The following AUTS2 variants were observed in gnomAD, a reference collection of about 807,000 sequenced individuals.
The protein encoded by AUTS2 is autism susceptibility gene 2 protein.
In AUTS2, 17 loss-of-function variants were observed where a neutral mutation model predicts 112.4. The observed-to-expected ratio is 0.15, with a 90% CI of 0.10 to 0.23. The LOEUF is 0.23. Ranked by LOEUF, AUTS2 falls within the 10% of genes least tolerant of loss-of-function variation. AUTS2 has a pLI of 1.00. For synonymous variants in AUTS2, 751 were observed against 702.7 expected, an observed-to-expected ratio of 1.07 and a Z score of -1.09; for missense variants, 1,510 against 1,701.6, an observed-to-expected ratio of 0.89 and a Z score of 1.98.
At chr7:70,030,824 C>A (rs1450472875) in intron 2 of AUTS2, among the ~76,000 whole-genome samples, 1 of 152,108 alleles carries the variant, frequency 6.6e-6, no homozygotes, top group South Asian at 2.1e-4. Context: ...AAGACCTAGT[C>A]CCTCAGGGGT....
chr7:70,041,264 ATAT>A (rs1157688790), intron 2 of AUTS2, among the ~76,000 whole-genome samples: 2 of 152,212 alleles, frequency 1.3e-5, no homozygotes, highest in East Asian at 3.8e-4. Flanking sequence ...TCTTAAAAAA[ATAT>A]TATCCATAAA....
At chr7:69,708,083 ACATGTTTGAGCCTTTGAGTCTCTT>A (rs1296705949) in intron 1 of AUTS2, among the ~76,000 whole-genome samples, 1 of 152,036 alleles carries the variant, frequency 6.6e-6, no homozygotes, top group East Asian at 1.9e-4. Context: ...GCTCCAACTG[ACATGTTTGAGCCTTTGAGTCTCTT>A]CATGAAAGCT....
intron 5 of AUTS2, among the ~76,000 whole-genome samples, chr7:70,546,544 C>A (rs1800790338): frequency 6.6e-6 from 1 of 152,072 alleles, no homozygotes; most frequent in Non-Finnish European, 1.5e-5. Flanking sequence ...TTTGGGAGGC[C>A]AAGATGGGCG....
chr7:69,632,022 G>C (rs996527347), intron 1 of AUTS2, among the ~76,000 whole-genome samples: 4 of 152,136 alleles, frequency 2.6e-5, no homozygotes, highest in African/African-American at 9.7e-5. Flanking sequence ...CTGCATTTTA[G>C]GATCTGGAGA....
intron 2 of AUTS2, among the ~76,000 whole-genome samples, chr7:70,040,715 A>G (rs1195580958): frequency 1.3e-5 from 2 of 152,186 alleles, no homozygotes. Flanking sequence ...CTGTGTGGAC[A>G]TGATTTGCTT....
intron 4 of AUTS2, among the ~76,000 whole-genome samples, chr7:70,138,419 C>T (rs534400826): frequency 1.3e-5 from 2 of 152,292 alleles, no homozygotes; most frequent in African/African-American, 4.8e-5. Context: ...AACTAACCAG[C>T]CAGGCAGAAC....
At chr7:69,749,729 G>A (rs1036452415) in intron 1 of AUTS2, among the ~76,000 whole-genome samples, 9 of 152,178 alleles carry the variant, frequency 5.9e-5, no homozygotes, top group African/African-American at 1.2e-4. Context: ...GTTCTCGCTG[G>A]CTTGCGGCTT....
At chr7:70,574,803 G>A (rs372880489) in intron 5 of AUTS2, among the ~76,000 whole-genome samples, 3 of 152,202 alleles carry the variant, frequency 2.0e-5, no homozygotes, top group South Asian at 2.1e-4. Context: ...ATCACAAGAC[G>A]GCTACTGGAT....
At chr7:69,945,720 G>A (rs1009636892) in intron 2 of AUTS2, among the ~76,000 whole-genome samples, 13 of 152,016 alleles carry the variant, frequency 8.6e-5, no homozygotes, top group Admixed American at 5.9e-4. Context: ...CACCGTGACT[G>A]TACATTAGAT....
intron 1 of AUTS2, among the ~76,000 whole-genome samples, chr7:69,728,679 G>GC (rs1554355918): frequency 3.9e-5 from 3 of 77,036 alleles, no homozygotes; most frequent in East Asian, 4.7e-4. Flanking sequence ...CTTGCTTGTG[G>GC]CTTTTTTTTT....
intron 1 of AUTS2, among the ~76,000 whole-genome samples, chr7:69,685,717 C>T (rs200103142): frequency 5.3e-5 from 8 of 150,666 alleles, no homozygotes; most frequent in Non-Finnish European, 8.8e-5. Context: ...AGGATCCATG[C>T]CCTTTTTTTT....
chr7:70,503,811 C>T (rs1278367340), intron 5 of AUTS2, among the ~76,000 whole-genome samples: 4 of 149,478 alleles, frequency 2.7e-5, no homozygotes, highest in Non-Finnish European at 4.4e-5. Flanking sequence ...GAGCCTACTG[C>T]ACCCAGCCCA....
At chr7:70,344,697 A>T (rs974116015) in intron 4 of AUTS2, among the ~76,000 whole-genome samples, 4 of 152,200 alleles carry the variant, frequency 2.6e-5, no homozygotes, top group African/African-American at 9.6e-5. Flanking sequence ...AGCAAAGATG[A>T]CATTTGGCTA....
At chr7:69,621,572 G>A (rs934096123) in intron 1 of AUTS2, among the ~76,000 whole-genome samples, 1 of 152,156 alleles carries the variant, frequency 6.6e-6, no homozygotes, top group African/African-American at 2.4e-5. Context: ...TTAGGTCACT[G>A]CTTTTTCTCA....
intron 4 of AUTS2, among the ~76,000 whole-genome samples, chr7:70,340,194 A>ACACACACACACC (rs942358361): frequency 7.3e-5 from 11 of 151,006 alleles, no homozygotes; most frequent in South Asian, 2.1e-4. Context: ...ACACACACAC[A>ACACACACACACC]CCCCGTAATA....
chr7:69,974,410 C>T (rs1482967152), intron 2 of AUTS2, among the ~76,000 whole-genome samples: 2 of 150,542 alleles, frequency 1.3e-5, no homozygotes, highest in Non-Finnish European at 3.0e-5. Context: ...TTCCTGTTTT[C>T]AACTTATTTT....
intron 5 of AUTS2, among the ~76,000 whole-genome samples, chr7:70,684,344 C>T (rs946954345): frequency 1.3e-5 from 2 of 152,154 alleles, no homozygotes; most frequent in Admixed American, 1.3e-4. Flanking sequence ...GGAAGGTAAA[C>T]TACTTGTATA....
At chr7:69,831,102 A>G (rs1358131452) in intron 1 of AUTS2, among the ~76,000 whole-genome samples, 1 of 152,164 alleles carries the variant, frequency 6.6e-6, no homozygotes, top group Non-Finnish European at 1.5e-5. Context: ...ATATACTTTA[A>G]TTCCCACCTG....
At chr7:69,680,978 G>A (rs567285236) in intron 1 of AUTS2, among the ~76,000 whole-genome samples, 1 of 152,152 alleles carries the variant, frequency 6.6e-6, no homozygotes, top group Non-Finnish European at 1.5e-5. Context: ...CTGAATTTGA[G>A]TATTTTAGAT....
Sources: gnomAD v4.1 joint callset for allele counts (sites outside exome capture counted in the v4.1 genomes callset) on GRCh38, gnomAD v4.1.1 for gene constraint, MANE v1.5 for transcripts, NCBI Gene and HGNC (gene_info 2026-07-23, HGNC 2026-07-21) for gene names.